HIVEP3: variants seen among roughly 807,000 people sequenced by gnomAD.
The protein encoded by HIVEP3 is transcription factor HIVEP3.
HIVEP3 carries 49 observed loss-of-function variants against 152.8 expected under a neutral mutation model. That is an observed-to-expected ratio of 0.32 (90% CI 0.26 to 0.41). HIVEP3 has a LOEUF of 0.41. Among genes scored for constraint, HIVEP3 ranks in the 10% least tolerant of loss-of-function variants. HIVEP3 has a pLI of 1.00. For missense variants in HIVEP3, 2,790 were observed against 3,103.3 expected (o/e 0.90, Z 2.40); for synonymous variants, 1,269 against 1,289.0 (o/e 0.98, Z 0.33).
At chr1:41,612,094 C>A (rs538495857) in intron 3 of HIVEP3, among the ~76,000 whole-genome samples, 2 of 152,292 alleles carry the variant, frequency 1.3e-5, no homozygotes, top group East Asian at 3.9e-4. Flanking sequence ...CTCCCACTCC[C>A]ACCCACCTGT....
At chr1:41,855,730 T>C (rs1438241206) in intron 1 of HIVEP3, among the ~76,000 whole-genome samples, 1 of 152,190 alleles carries the variant, frequency 6.6e-6, no homozygotes, top group East Asian at 1.9e-4. Context: ...ACTCCTCAGA[T>C]TAGAAACGGC....
chr1:41,521,356 A>G (rs1330255144), intron 6 of HIVEP3, among the ~76,000 whole-genome samples: 2 of 152,230 alleles, frequency 1.3e-5, no homozygotes, highest in Non-Finnish European at 2.9e-5. Context: ...CTTTCTCAGG[A>G]GAAGGCACCA....
At chr1:41,552,361 T>G (rs1326667865) in intron 5 of HIVEP3, among the ~76,000 whole-genome samples, 1 of 109,368 alleles carries the variant, frequency 9.1e-6, no homozygotes, top group African/African-American at 3.5e-5. Flanking sequence ...ATGCTATCCC[T>G]CCCCCCTCCC....
chr1:41,677,494 C>T (rs1331877457), intron 2 of HIVEP3, among the ~76,000 whole-genome samples: 1 of 152,208 alleles, frequency 6.6e-6, no homozygotes, highest in Non-Finnish European at 1.5e-5. Context: ...GGTAGTGATG[C>T]CTACCTCAAA....
intron 1 of HIVEP3, among the ~76,000 whole-genome samples, chr1:41,709,595 A>C (rs13374805): frequency 0.12 from 18,424 of 152,196 alleles, 3,705 homozygotes; most frequent in African/African-American, 0.42. Flanking sequence ...GAACAGAACC[A>C]AGCCCCAAGT....
intron 2 of HIVEP3, among the ~76,000 whole-genome samples, chr1:41,687,731 T>C (rs2124102561): frequency 6.6e-6 from 1 of 152,380 alleles, no homozygotes; most frequent in South Asian, 2.1e-4. Flanking sequence ...TCCCTCACCC[T>C]GCTTATCTAC....
intron 1 of HIVEP3, among the ~76,000 whole-genome samples, chr1:41,740,539 G>A (rs1334855059): frequency 6.6e-6 from 1 of 152,230 alleles, no homozygotes; most frequent in East Asian, 1.9e-4. Flanking sequence ...AAAGAGTGGG[G>A]AAGAAGGTAA....
At chr1:41,606,084 A>T (rs192581380) in intron 3 of HIVEP3, among the ~76,000 whole-genome samples, 44 of 152,068 alleles carry the variant, frequency 2.9e-4, no homozygotes, top group African/African-American at 1.0e-3. Flanking sequence ...AGAATGCCAA[A>T]CCGTCCTCAC....
rs570086963 is a variant in HIVEP3, at chr1:41,746,958, T to C, written c.-800-45963A>G. On this transcript the variant is annotated intron_variant, in intron 1 of 8. Coordinates refer to ENST00000372583, the MANE Select transcript of HIVEP3 (RefSeq NM_024503.5). The stretch of plus-strand genomic sequence containing the variant: ...TCAGGAGGGCCAGCATGTGACCTGG[T>C]GTAACAGCATCACCCCCGGCTCGAG... 4.6e-5 allele frequency among the ~76,000 whole-genome samples: 7 copies of C among 152,068 alleles called. No individual in the cohort carries two copies. In the East Asian group the frequency reaches 1.4e-3, roughly 29 times the overall value.
intron 1 of HIVEP3, among the ~76,000 whole-genome samples, chr1:41,876,444 G>C (rs1488735539): frequency 6.6e-6 from 1 of 152,144 alleles, no homozygotes; most frequent in Non-Finnish European, 1.5e-5. Flanking sequence ...GTAAAATAAA[G>C]ATAATAATAG....
rs911948524 is a variant in HIVEP3, at chr1:41,788,118, T to C, written c.-800-87123A>G. ...TCCAGAGTCAGAACTGCCCTGGGCC[T>C]GAGGACTGGAGGCTTCAGACTATCC... On this transcript the variant is annotated intron_variant, in intron 1 of 8. Transcript: ENST00000372583. Among the ~76,000 whole-genome samples the C allele has an allele frequency of 2.0e-5, 3 of 152,104 alleles. No individual in the cohort carries two copies. In the South Asian group the frequency reaches 6.2e-4, roughly 32 times the overall value.
chr1:41,961,375 G>A (rs918988365), intron 1 of HIVEP3, among the ~76,000 whole-genome samples: 2 of 152,246 alleles, frequency 1.3e-5, no homozygotes, highest in African/African-American at 2.4e-5. Context: ...CTAAATTCCA[G>A]GGAATTTTTG....
At chr1:41,718,614 G>T (rs116749821) in intron 1 of HIVEP3, among the ~76,000 whole-genome samples, 4 of 152,140 alleles carry the variant, frequency 2.6e-5, no homozygotes, top group Admixed American at 2.0e-4. Context: ...CTGCCCAGGC[G>T]TGTCAGCTGA....
At chr1:41,722,058 C>G (rs1167312662) in intron 1 of HIVEP3, among the ~76,000 whole-genome samples, 1 of 152,232 alleles carries the variant, frequency 6.6e-6, no homozygotes. Flanking sequence ...GAGAGGGCCT[C>G]TGGCCAAGCA....
chr1:41,752,314 T>TG (rs1647180001), intron 1 of HIVEP3, among the ~76,000 whole-genome samples: 1 of 152,214 alleles, frequency 6.6e-6, no homozygotes, highest in Non-Finnish European at 1.5e-5. Context: ...CTCACCCTTC[T>TG]GGGGAGCCCT....
At chr1:41,974,110 A>G (rs1482505700) in intron 1 of HIVEP3, among the ~76,000 whole-genome samples, 2 of 152,116 alleles carry the variant, frequency 1.3e-5, no homozygotes, top group African/African-American at 2.4e-5. Flanking sequence ...GGATGCGTTC[A>G]CAGCAAGGAG....
intron 1 of HIVEP3, among the ~76,000 whole-genome samples, chr1:41,807,023 C>T (rs1419428656): frequency 2.6e-5 from 3 of 117,546 alleles, no homozygotes; most frequent in Non-Finnish European, 3.9e-5. Flanking sequence ...CCTTCCTCCC[C>T]GCCCAGCCCA....
intron 1 of HIVEP3, among the ~76,000 whole-genome samples, chr1:41,823,006 G>A (rs911761207): frequency 6.6e-6 from 1 of 152,188 alleles, no homozygotes. Context: ...TTTATCTAGA[G>A]AAAGGCTCTT....
At chr1:41,987,236 A>T (rs947961374) in intron 1 of HIVEP3, among the ~76,000 whole-genome samples, 2 of 152,152 alleles carry the variant, frequency 1.3e-5, no homozygotes, top group Non-Finnish European at 2.9e-5. Context: ...GTAATCCACA[A>T]ATTCAATTCC....
Sources: allele counts gnomAD v4.1 joint callset (sites outside exome capture counted in the v4.1 genomes callset), GRCh38; gene constraint gnomAD v4.1.1; transcripts MANE v1.5; gene names NCBI Gene and HGNC (gene_info 2026-07-23, HGNC 2026-07-21).